The following LIFR variants were observed in gnomAD, a reference collection of about 807,000 sequenced individuals.
The protein encoded by LIFR is LIF receptor subunit alpha.
In LIFR, 84 loss-of-function variants were observed where a neutral mutation model predicts 122.2. The observed-to-expected ratio is 0.69, with a 90% CI of 0.58 to 0.82. The LOEUF (loss-of-function observed/expected upper bound fraction) is 0.82. Ranked by LOEUF, LIFR falls within the 40% of genes least tolerant of loss-of-function variation. The probability of loss-of-function intolerance (pLI) is 0.00; values close to 1 mark genes in which losing one functional copy is unlikely to be tolerated. For missense variants in LIFR, 1,294 were observed against 1,311.6 expected, an observed-to-expected ratio of 0.99 and a Z score of 0.21; for synonymous variants, 422 against 434.7, an observed-to-expected ratio of 0.97 and a Z score of 0.36.
At chr5:38,516,165 G>T (rs914259167) in intron 5 of LIFR, among the ~76,000 whole-genome samples, 1 of 152,122 alleles carries the variant, frequency 6.6e-6, no homozygotes, top group Non-Finnish European at 1.5e-5. Flanking sequence ...ACATGTTGTA[G>T]AATGAGCTAT....
In LIFR at chr5:38,479,920, TCATAAAG is replaced by T; in HGVS notation, c.*1668_*1674del. 1 of 225,116 alleles carries T rather than the reference TCATAAAG, an allele frequency of 4.4e-6. No homozygotes were observed. 13.9% of individuals were successfully genotyped at this position (225,116 alleles called of 1,614,324 possible). A position where few individuals can be genotyped will look rare whatever the true frequency, so the allele number is the denominator to read the frequency against. On this transcript the variant is annotated 3_prime_UTR_variant, in exon 20 of 20. Transcript: ENST00000453190. ...GCATTTCATTCCAAATTTCCACAGATCATAAAGCTCAGAAATTTAGCTGAATCCTAGC... is the reference window on the plus strand; with the variant it reads ...GCATTTCATTCCAAATTTCCACAGATCTCAGAAATTTAGCTGAATCCTAGC...
At chr5:38,592,495 T>C (rs1162822880) in intron 1 of LIFR, among the ~76,000 whole-genome samples, 6 of 151,908 alleles carry the variant, frequency 3.9e-5, no homozygotes, top group East Asian at 3.9e-4. Flanking sequence ...CTGTCTCTAC[T>C]AAAAACAAAA....
rs1408415414 is a variant in LIFR, at chr5:38,484,751, CAAGAGT to C, written c.2591+18_2591+23del. On this transcript the variant is annotated intron_variant, in intron 18 of 19. Coordinates refer to ENST00000453190, the MANE Select transcript of LIFR (RefSeq NM_001127671.2). ...AATCATGCCTTTAAGAAGAAAACAGCAAGAGTAAATGCAGAACTATTACCATTCTCG... is the reference window on the plus strand; with the variant it reads ...AATCATGCCTTTAAGAAGAAAACAGCAAATGCAGAACTATTACCATTCTCG... 6.8e-7 allele frequency: 1 copy of C among 1,471,944 alleles called. No homozygotes were observed. The highest frequency in any genetic ancestry group is 9.5e-7 in the Non-Finnish European group (1 of 1,051,234). 91.2% of individuals were successfully genotyped at this position (1,471,944 alleles called of 1,614,324 possible). A position where few individuals can be genotyped will look rare whatever the true frequency, so the allele number is the denominator to read the frequency against.
At chr5:38,577,968 C>T (rs887248946) in intron 1 of LIFR, among the ~76,000 whole-genome samples, 1 of 152,122 alleles carries the variant, frequency 6.6e-6, no homozygotes, top group Non-Finnish European at 1.5e-5. Context: ...TCCATGGTGC[C>T]TTCTTAAATT....
rs190778752 is a variant in LIFR, at chr5:38,594,046, C to T, written c.-20+1215G>A. On this transcript the variant is annotated intron_variant, in intron 1 of 19. Coordinates refer to the LIFR transcript ENST00000263409. ...ATAAGGGGAAACAAGAGAGACAGGACACACGGACGTGATCCAGGGAAAGGT... is the reference window on the plus strand; with the variant it reads ...ATAAGGGGAAACAAGAGAGACAGGATACACGGACGTGATCCAGGGAAAGGT... Among the ~76,000 whole-genome samples the T allele has an allele frequency of 3.8e-3, 577 of 152,286 alleles. 1 individual carries two copies. Among genetic ancestry groups the T allele is most frequent in the Middle Eastern group, 6.8e-3 (2 of 294 alleles).
At position 38,478,351 on chromosome 5, in the gene LIFR, T is replaced by C; in HGVS notation, c.*3244A>G. 1 of 205,562 alleles carries C rather than the reference T, an allele frequency of 4.9e-6. No individual in the cohort carries two copies. Among genetic ancestry groups the C allele is most frequent in the Non-Finnish European group, 1.0e-5 (1 of 100,248 alleles). The allele number at this position is 205,562 out of a possible 1,614,324, so 12.7% of individuals were successfully genotyped here. A position where few individuals can be genotyped will look rare whatever the true frequency, so the allele number is the denominator to read the frequency against. On this transcript the variant is annotated 3_prime_UTR_variant, in exon 20 of 20. Coordinates refer to ENST00000453190, the MANE Select transcript of LIFR (RefSeq NM_001127671.2). Reference sequence around the variant, plus strand: ...CTGGTTTGGAAAATGAGGTTGATACTTCCTCTCTTAAGCTTCTCAGTGAAT... The same window carrying C: ...CTGGTTTGGAAAATGAGGTTGATACCTCCTCTCTTAAGCTTCTCAGTGAAT...
intron 1 of LIFR, among the ~76,000 whole-genome samples, chr5:38,542,282 G>C (rs1188568791): frequency 6.6e-6 from 1 of 152,184 alleles, no homozygotes; most frequent in Non-Finnish European, 1.5e-5. Flanking sequence ...CAATAAATCT[G>C]TGTTTGAGAG....
At chr5:38,601,041 G>A (rs1055517184) in intron 2 of LIFR, among the ~76,000 whole-genome samples, 10 of 152,288 alleles carry the variant, frequency 6.6e-5, no homozygotes, top group East Asian at 5.8e-4. Flanking sequence ...CTCAAAATTC[G>A]TATGTTGAAA....
intron 1 of LIFR, among the ~76,000 whole-genome samples, chr5:38,549,521 A>G (rs918824056): frequency 1.8e-4 from 28 of 152,340 alleles, no homozygotes; most frequent in African/African-American, 4.6e-4. Context: ...GGCTGGTTAC[A>G]GTGGCTAACG....
intron 1 of LIFR, among the ~76,000 whole-genome samples, chr5:38,563,444 T>A (rs1322795430): frequency 6.6e-6 from 1 of 152,216 alleles, no homozygotes; most frequent in African/African-American, 2.4e-5. Context: ...TGCTAGGCAC[T>A]TTCTCTGTGT....
At chr5:38,535,334 G>C (rs1747239252) in intron 1 of LIFR, among the ~76,000 whole-genome samples, 1 of 152,164 alleles carries the variant, frequency 6.6e-6, no homozygotes, top group Non-Finnish European at 1.5e-5. Flanking sequence ...GCCTCTGAGA[G>C]TCCACAGGTT....
At chr5:38,567,898 C>G (rs1749079801) in intron 1 of LIFR, among the ~76,000 whole-genome samples, 1 of 152,166 alleles carries the variant, frequency 6.6e-6, no homozygotes, top group Non-Finnish European at 1.5e-5. Flanking sequence ...AACTGCCATT[C>G]TAGCTCATTC....
chr5:38,536,193 C>A (rs55940528), intron 1 of LIFR, among the ~76,000 whole-genome samples: 5,037 of 152,262 alleles, frequency 0.033, 261 homozygotes, highest in African/African-American at 0.11. Flanking sequence ...TAGCTTCACA[C>A]ATCTCATCAG....
chr5:38,606,266 G>C (rs1187302459), exon 2 of LIFR: 1 of 152,252 alleles, frequency 6.6e-6, no homozygotes, highest in Non-Finnish European at 1.5e-5. Context: ...GGAGGCCTCA[G>C]GGAGCTTTTA....
At position 38,511,772 on chromosome 5, in the gene LIFR, C is replaced by G. The variant is rs189329668; in HGVS notation, c.736+18G>C. ...ATTTAATTCATCTGAAACAAACATT[C>G]TTTAAATATAAGCTTACAAGAAATG... On this transcript the variant is annotated intron_variant, in intron 6 of 19. Transcript: ENST00000453190. 1.2e-6 allele frequency: 2 copies of G among 1,610,342 alleles called. No individual in the cohort carries two copies. Among genetic ancestry groups the G allele is most frequent in the East Asian group, 2.2e-5 (1 of 44,850 alleles).
intron 2 of LIFR, among the ~76,000 whole-genome samples, chr5:38,605,259 A>G (rs1482775642): frequency 6.6e-6 from 1 of 152,102 alleles, no homozygotes; most frequent in Admixed American, 6.6e-5. Context: ...TTTTACGGAC[A>G]CTGGGCTATA....
upstream of LIFR, chr5:38,556,850 G>C (rs1048268272): frequency 1.3e-5 from 2 of 151,418 alleles, no homozygotes; most frequent in Admixed American, 6.6e-5. Flanking sequence ...CGCCGAGGGT[G>C]GTGCTTCCTC....
At position 38,485,735 on chromosome 5, in the gene LIFR, G is replaced by A. The variant is rs192786712; in HGVS notation, c.2497+84C>T. The A allele has an allele frequency of 8.2e-6, 12 of 1,466,910 alleles. No individual in the cohort carries two copies. In the Admixed American group the frequency reaches 1.9e-4, roughly 23 times the overall value. 90.9% of individuals were successfully genotyped at this position (1,466,910 alleles called of 1,614,324 possible). A position where few individuals can be genotyped will look rare whatever the true frequency, so the allele number is the denominator to read the frequency against. On this transcript the variant is annotated intron_variant, in intron 17 of 19. Transcript: ENST00000453190. ...TGTGAATGTTTTTTAGAAAGGGCGG[G>A]GAGGGGTTCCTACATAAACCAAGAA...
chr5:38,475,514 C>T lies in LIFR; in HGVS notation c.*6081G>A, dbSNP rs1335326523. On this transcript the variant is annotated 3_prime_UTR_variant, in exon 20 of 20. Transcript: ENST00000453190. The stretch of plus-strand genomic sequence containing the variant: ...GGGATCCGCAGTTTCTCCCTATCTT[C>T]TTTCAGCTACATTTACAAGCATTTG... 1.0e-5 allele frequency: 2 copies of T among 192,730 alleles called. No individual in the cohort carries two copies. Among genetic ancestry groups the T allele is most frequent in the African/African-American group, 4.6e-5 (2 of 43,082 alleles). 11.9% of individuals were successfully genotyped at this position (192,730 alleles called of 1,614,324 possible).
Sources: gnomAD v4.1 joint callset for allele counts (sites outside exome capture counted in the v4.1 genomes callset) on GRCh38, gnomAD v4.1.1 for gene constraint, MANE v1.5 for transcripts, NCBI Gene and HGNC (gene_info 2026-07-23, HGNC 2026-07-21) for gene names.